The following MIPEP variants were observed in gnomAD, a reference collection of about 807,000 sequenced individuals.
MIPEP encodes the protein mitochondrial intermediate peptidase.
A neutral mutation model predicts 90.3 loss-of-function variants in MIPEP; 79 were observed. The ratio of observed to expected loss-of-function variants is 0.87; its 90% CI spans 0.73 to 1.05. The LOEUF (loss-of-function observed/expected upper bound fraction) is 1.05, where lower values mean the gene tolerates loss of function less well. Among genes scored for constraint, MIPEP ranks in the 50% least tolerant of loss-of-function variants. MIPEP has a pLI of 0.00. For missense variants in MIPEP, 940 were observed against 905.6 expected (o/e 1.04, Z -0.49); for synonymous variants, 334 against 315.8 (o/e 1.06, Z -0.61).
intron 14 of MIPEP, among the ~76,000 whole-genome samples, chr13:23,817,018 C>A (rs1953248139): frequency 6.6e-6 from 1 of 152,188 alleles, no homozygotes; most frequent in African/African-American, 2.4e-5. Flanking sequence ...ATTCAGACAC[C>A]TCGAGGGCCC....
At chr13:23,843,990 G>C (rs548695891) in intron 10 of MIPEP, among the ~76,000 whole-genome samples, 55 of 152,134 alleles carry the variant, frequency 3.6e-4, no homozygotes, top group Non-Finnish European at 7.8e-4. Context: ...AGAGGAGGGT[G>C]AGGTGCAATG....
intron 12 of MIPEP, among the ~76,000 whole-genome samples, chr13:23,838,167 AG>A (rs1317354386): frequency 6.6e-6 from 1 of 151,888 alleles, no homozygotes; most frequent in Non-Finnish European, 1.5e-5. Flanking sequence ...TTTTTAAGAT[AG>A]GGTCTTGCTC....
Position 23,818,647 on chromosome 13 carries a change from T to A in MIPEP, c.1654-8723A>T, listed in dbSNP as rs181154766. 1.1e-3 allele frequency among the ~76,000 whole-genome samples: 175 copies of A among 152,270 alleles called. 1 individual carries two copies. Among genetic ancestry groups the A allele is most frequent in the African/African-American group, 4.1e-3 (169 of 41,548 alleles). On this transcript the variant is annotated intron_variant, in intron 14 of 18. Transcript: ENST00000382172. Reference sequence around the variant, plus strand: ...CAGAAATAGCTGGGTTGGTTACAGTTCACATTTGCCTTATTTGAACAAGGT... The same window carrying A: ...CAGAAATAGCTGGGTTGGTTACAGTACACATTTGCCTTATTTGAACAAGGT...
chr13:23,764,023 T>C (rs998900501), intron 16 of MIPEP, among the ~76,000 whole-genome samples: 9 of 152,246 alleles, frequency 5.9e-5, no homozygotes, highest in African/African-American at 2.2e-4. Context: ...GCTGGAATTA[T>C]GATATCCTCT....
At chr13:23,799,109 T>C (rs905573878) in intron 16 of MIPEP, among the ~76,000 whole-genome samples, 5 of 144,542 alleles carry the variant, frequency 3.5e-5, no homozygotes, top group Admixed American at 2.9e-4. Context: ...GTTCAAACGA[T>C]TCTCCTGCCT....
At chr13:23,756,807 T>G (rs1952495125) in intron 17 of MIPEP, 189 bp from the exon 18 acceptor site, 1 of 595,332 alleles carries the variant, frequency 1.7e-6, no homozygotes, top group Non-Finnish European at 3.0e-6. Context: ...ATAAATTAAA[T>G]CAGGTGTGAC....
chr13:23,888,049 G>C, intron 1 of MIPEP: 1 of 399,310 alleles, frequency 2.5e-6, no homozygotes, highest in South Asian at 1.9e-5. Context: ...TTTTTTTCAA[G>C]GCAAAAATCA....
At chr13:23,778,298 A>C (rs1257219047) in intron 16 of MIPEP, among the ~76,000 whole-genome samples, 1 of 152,226 alleles carries the variant, frequency 6.6e-6, no homozygotes, top group Non-Finnish European at 1.5e-5. Context: ...AATGTATGTT[A>C]AAGAAAGCAA....
intron 18 of MIPEP, among the ~76,000 whole-genome samples, chr13:23,749,017 A>T (rs903870682): frequency 6.6e-6 from 1 of 152,254 alleles, no homozygotes; most frequent in Admixed American, 6.5e-5. Flanking sequence ...GCCTTGCCAC[A>T]CAATGCCAAT....
intron 17 of MIPEP, 69 bp from the exon 18 acceptor site, chr13:23,756,687 C>G: frequency 3.4e-6 from 5 of 1,467,708 alleles, no homozygotes; most frequent in Non-Finnish European, 4.7e-6. Context: ...CTTGAATTCT[C>G]AAAGAAAGCC....
At chr13:23,840,610 T>A (rs1435422972) in intron 11 of MIPEP, among the ~76,000 whole-genome samples, 1 of 152,150 alleles carries the variant, frequency 6.6e-6, no homozygotes. Flanking sequence ...CCACCCTGAC[T>A]CTCCTTTCAA....
At position 23,765,581 on chromosome 13, in the gene MIPEP, G is replaced by A. The variant is rs558820119; in HGVS notation, c.1849-5364C>T. 2.4e-4 allele frequency among the ~76,000 whole-genome samples: 36 copies of A among 152,272 alleles called. 1 individual carries two copies. The highest frequency in any genetic ancestry group is 7.7e-4 in the African/African-American group (32 of 41,540). The stretch of plus-strand genomic sequence containing the variant: ...TAAGCGGAGGACCCCTATAAACCAC[G>A]AGTATAGAAATGCAACCTATTGCTC... On this transcript the variant is annotated intron_variant, in intron 16 of 18. Coordinates refer to ENST00000382172, the MANE Select transcript of MIPEP (RefSeq NM_005932.4).
intron 16 of MIPEP, among the ~76,000 whole-genome samples, chr13:23,774,699 A>AGGT (rs995139565): frequency 6.7e-6 from 1 of 149,686 alleles, no homozygotes; most frequent in African/African-American, 2.5e-5. Flanking sequence ...TTTAATTTTT[A>AGGT]GGTTGTTTAT....
intron 16 of MIPEP, among the ~76,000 whole-genome samples, chr13:23,799,235 C>T (rs377368187): frequency 5.3e-5 from 8 of 151,724 alleles, no homozygotes; most frequent in African/African-American, 1.9e-4. Context: ...GTTTCGAACT[C>T]CTAAGCTCAG....
At chr13:23,856,584 C>T (rs1389088143) in intron 10 of MIPEP, among the ~76,000 whole-genome samples, 2 of 152,082 alleles carry the variant, frequency 1.3e-5, no homozygotes, top group Non-Finnish European at 2.9e-5. Context: ...CGGTCATTGG[C>T]CTTGGCACTA....
intron 16 of MIPEP, among the ~76,000 whole-genome samples, chr13:23,792,508 T>C (rs912297066): frequency 4.6e-5 from 7 of 152,150 alleles, no homozygotes; most frequent in African/African-American, 1.7e-4. Context: ...GCTTCCCAAG[T>C]AGCTGGGACT....
intron 16 of MIPEP, among the ~76,000 whole-genome samples, chr13:23,793,045 C>T (rs945536177): frequency 4.6e-5 from 7 of 152,142 alleles, no homozygotes; most frequent in African/African-American, 1.2e-4. Flanking sequence ...GAAAAACTGG[C>T]GATAGCAAAA....
chr13:23,785,806 A>T (rs1168114509), intron 16 of MIPEP, among the ~76,000 whole-genome samples: 2 of 152,190 alleles, frequency 1.3e-5, no homozygotes, highest in African/African-American at 4.8e-5. Context: ...ATGATTATCC[A>T]GCCTGGGCAA....
chr13:23,815,625 C>A (rs1027559420), intron 14 of MIPEP, among the ~76,000 whole-genome samples: 1 of 152,204 alleles, frequency 6.6e-6, no homozygotes, highest in Non-Finnish European at 1.5e-5. Context: ...TAATTTTTTT[C>A]ATTTATAAAA....
Sources: allele counts gnomAD v4.1 joint callset (sites outside exome capture counted in the v4.1 genomes callset), GRCh38; gene constraint gnomAD v4.1.1; transcripts MANE v1.5; gene names NCBI Gene and HGNC (gene_info 2026-07-23, HGNC 2026-07-21).